The following L3MBTL4 variants were observed in gnomAD, a reference collection of about 807,000 sequenced individuals.
L3MBTL4 encodes L3MBTL histone methyl-lysine binding protein 4.
L3MBTL4 carries 70 observed loss-of-function variants against 84.5 expected under a neutral mutation model. The observed-to-expected ratio is 0.83, with a 90% confidence interval of 0.68 to 1.01. The LOEUF (loss-of-function observed/expected upper bound fraction) is 1.01. Ranked by LOEUF, L3MBTL4 falls within the 50% of genes least tolerant of loss-of-function variation. The pLI, the probability that L3MBTL4 is intolerant of heterozygous loss-of-function variation, is 0.00. For missense variants in L3MBTL4, 715 were observed against 754.8 expected (o/e 0.95, Z 0.62); for synonymous variants, 274 against 259.8 (o/e 1.05, Z -0.52).
intron 1 of L3MBTL4, among the ~76,000 whole-genome samples, chr18:6,358,915 T>C (rs138027322): frequency 6.6e-6 from 1 of 152,316 alleles, no homozygotes; most frequent in Admixed American, 6.5e-5. Flanking sequence ...TCTGCATTGT[T>C]CCATATTCCA....
At chr18:6,127,823 C>T (rs1326207304) in intron 14 of L3MBTL4, among the ~76,000 whole-genome samples, 3 of 152,092 alleles carry the variant, frequency 2.0e-5, no homozygotes, top group Admixed American at 2.0e-4. Flanking sequence ...GGCTCTTCTG[C>T]AGTGTGCCTG....
At chr18:6,186,766 C>T (rs1429603085) in intron 12 of L3MBTL4, among the ~76,000 whole-genome samples, 3 of 152,158 alleles carry the variant, frequency 2.0e-5, no homozygotes, top group African/African-American at 7.2e-5. Flanking sequence ...CGCAGAGAGC[C>T]GCACTGAGGG....
At chr18:6,006,677 A>T (rs764171634) in intron 16 of L3MBTL4, among the ~76,000 whole-genome samples, 1 of 152,156 alleles carries the variant, frequency 6.6e-6, no homozygotes, top group Non-Finnish European at 1.5e-5. Context: ...AATTCTCTTC[A>T]CTCCTACAAC....
chr18:5,998,386 G>A (rs1478416992), intron 16 of L3MBTL4, among the ~76,000 whole-genome samples: 1 of 152,204 alleles, frequency 6.6e-6, no homozygotes, highest in African/African-American at 2.4e-5. Context: ...TAAAGGAGAG[G>A]CCTGGTGGAA....
chr18:6,380,719 G>A (rs1478879838), intron 1 of L3MBTL4, among the ~76,000 whole-genome samples: 1 of 152,164 alleles, frequency 6.6e-6, no homozygotes, highest in Non-Finnish European at 1.5e-5. Flanking sequence ...CATTTGCTAA[G>A]GAATGTTTTA....
intron 1 of L3MBTL4, chr18:6,395,178 CAA>C (rs1464244042): frequency 6.6e-6 from 1 of 152,110 alleles, no homozygotes; most frequent in Admixed American, 6.6e-5. Flanking sequence ...GCCTGGGCAA[CAA>C]AGTGAGCAAA....
At position 6,030,863 on chromosome 18, in the gene L3MBTL4, C is replaced by T. The variant is rs1005078535; in HGVS notation, c.1444+50018G>A. 9.1e-6 allele frequency: 9 copies of T among 984,942 alleles called. 1 individual carries two copies. The Admixed American group carries it at 4.9e-4, about 54-fold the overall frequency. The allele number at this position is 984,942 out of a possible 1,614,324, so 61.0% of individuals were successfully genotyped here. ...ACTAACATGAAACATACTGAAACTG[C>T]ACTGTAGGATATAAACAACCAGGCA... On this transcript the variant is annotated intron_variant, in intron 16 of 18. Transcript: ENST00000317931.
At chr18:5,985,653 T>C (rs924097381) in intron 16 of L3MBTL4, among the ~76,000 whole-genome samples, 3 of 152,020 alleles carry the variant, frequency 2.0e-5, no homozygotes, top group Non-Finnish European at 2.9e-5. Flanking sequence ...TCTTAACAAA[T>C]AGGCAAAAAA....
At chr18:6,306,244 A>C (rs1050727750) in intron 3 of L3MBTL4, among the ~76,000 whole-genome samples, 16 of 152,206 alleles carry the variant, frequency 1.1e-4, no homozygotes, top group Non-Finnish European at 1.8e-4. Context: ...TATTGGATAA[A>C]AGTAAAGAAA....
At chr18:6,193,151 G>C (rs370446362) in intron 12 of L3MBTL4, among the ~76,000 whole-genome samples, 5 of 152,004 alleles carry the variant, frequency 3.3e-5, no homozygotes, top group Non-Finnish European at 5.9e-5. Context: ...AAGTCAAGTG[G>C]AGGGCAAGGA....
intron 13 of L3MBTL4, among the ~76,000 whole-genome samples, chr18:6,156,591 GAA>G (rs1340863407): frequency 3.9e-5 from 6 of 152,152 alleles, no homozygotes; most frequent in Non-Finnish European, 7.4e-5. Context: ...AGAAAAAGCT[GAA>G]AAGTCTCTGC....
chr18:6,198,719 T>C (rs1369534715), intron 12 of L3MBTL4, among the ~76,000 whole-genome samples: 1 of 152,204 alleles, frequency 6.6e-6, no homozygotes, highest in Non-Finnish European at 1.5e-5. Flanking sequence ...TATCTCAGCC[T>C]ATTCAAAGGG....
chr18:6,304,957 T>C (rs1403432433), intron 3 of L3MBTL4, among the ~76,000 whole-genome samples: 1 of 152,114 alleles, frequency 6.6e-6, no homozygotes, highest in Non-Finnish European at 1.5e-5. Flanking sequence ...TTCACACTTC[T>C]GTATTTGCTA....
chr18:6,093,218 C>A, intron 15 of L3MBTL4, 137 bp downstream of exon 15: 1 of 649,310 alleles, frequency 1.5e-6, no homozygotes, highest in Non-Finnish European at 2.4e-6. Context: ...TTTATCAGCC[C>A]AGCGAACCTA....
intron 12 of L3MBTL4, among the ~76,000 whole-genome samples, chr18:6,201,731 A>G (rs2145661288): frequency 6.6e-6 from 1 of 152,346 alleles, no homozygotes; most frequent in South Asian, 2.1e-4. Flanking sequence ...TAGAGTGTGC[A>G]ACAACCTGAC....
intron 16 of L3MBTL4, among the ~76,000 whole-genome samples, chr18:6,068,635 T>C (rs769720259): frequency 4.6e-5 from 7 of 151,896 alleles, no homozygotes; most frequent in Non-Finnish European, 1.0e-4. Context: ...AAATTGTTCC[T>C]GGAAGGCCAT....
At chr18:6,048,575 T>C (rs1240735878) in intron 16 of L3MBTL4, among the ~76,000 whole-genome samples, 1 of 152,030 alleles carries the variant, frequency 6.6e-6, no homozygotes, top group Non-Finnish European at 1.5e-5. Context: ...GGCAGGTGGC[T>C]CACTTAAGGT....
chr18:6,215,934 G>C (rs1295496137), intron 10 of L3MBTL4, 99 bp from the exon 11 acceptor site: 1 of 617,764 alleles, frequency 1.6e-6, no homozygotes. Context: ...AATGTTAATT[G>C]AATGCTCACC....
rs143309130 is a variant in L3MBTL4, at chr18:6,215,962, C to T, written c.785-127G>A. The stretch of plus-strand genomic sequence containing the variant: ...TGCTCACCATTAAACAGACCTGATG[C>T]TAAGAACTTCAGATATATTAATTCA... On this transcript the variant is annotated intron_variant, in intron 10 of 18. Transcript: ENST00000317931. 1,958 of 517,326 alleles carry T rather than the reference C, an allele frequency of 3.8e-3. 11 individuals are homozygous for T. Among genetic ancestry groups the T allele is most frequent in the Non-Finnish European group, 5.6e-3 (1,689 of 299,396 alleles). 32.0% of individuals were successfully genotyped at this position (517,326 alleles called of 1,614,324 possible). A position where few individuals can be genotyped will look rare whatever the true frequency, so the allele number is the denominator to read the frequency against.
Sources: gnomAD v4.1 joint callset for allele counts (sites outside exome capture counted in the v4.1 genomes callset) on GRCh38, gnomAD v4.1.1 for gene constraint, MANE v1.5 for transcripts, NCBI Gene and HGNC (gene_info 2026-07-23, HGNC 2026-07-21) for gene names.